The following MYO1C variants were observed in gnomAD, a reference collection of about 807,000 sequenced individuals.
The protein encoded by MYO1C is myosin IC.
A neutral mutation model predicts 150.8 loss-of-function variants in MYO1C; 104 were observed. The observed-to-expected ratio is 0.69, with a 90% CI of 0.59 to 0.81. The LOEUF is 0.81. Ranked by LOEUF, MYO1C falls within the 30% of genes least tolerant of loss-of-function variation. The pLI is 0.00. For synonymous variants in MYO1C, 663 were observed against 579.9 expected (o/e 1.14, Z -2.06); for missense variants, 1,504 against 1,435.0 (o/e 1.05, Z -0.78).
At chr17:1,474,192 C>T (rs1179357501) in intron 17 of MYO1C, among the ~76,000 whole-genome samples, 6 of 151,982 alleles carry the variant, frequency 3.9e-5, no homozygotes, top group South Asian at 2.1e-4. Context: ...TTTGGGAGGC[C>T]GAGGCAGGTG....
intron 1 of MYO1C, chr17:1,484,881 G>GCCCCCCCCCCCCC: frequency 1.0e-5 from 1 of 99,588 alleles, no homozygotes; most frequent in Non-Finnish European, 1.9e-5. Flanking sequence ...CTCCCACCCA[G>GCCCCCCCCCCCCC]ACCCACCCCC....
intron 13 of MYO1C, 109 bp downstream of exon 13, chr17:1,477,782 C>T: frequency 8.5e-7 from 1 of 1,170,418 alleles, no homozygotes; most frequent in Non-Finnish European, 1.3e-6. Flanking sequence ...CCTGTCTCTA[C>T]TCAGCCCCAA....
intron 7 of MYO1C, 72 bp downstream of exon 7, chr17:1,480,455 T>TAAA (rs200535390): frequency 6.1e-5 from 83 of 1,363,560 alleles, no homozygotes; most frequent in African/African-American, 2.8e-4. Context: ...TCTCAAAAAA[T>TAAA]AAAAAACAAA....
At position 1,474,635 on chromosome 17, in the gene MYO1C, A is replaced by C. The variant is rs2074366079; in HGVS notation, c.1772T>G (p.Leu591Arg). Residue 591 changes from leucine (L) to arginine (R), a missense_variant, in exon 17 of 32, where the codon CTC becomes CGC. Physicochemically the swap from Leu to Arg is moderately radical, Grantham distance 102. Coordinates refer to ENST00000648651, the MANE Select transcript of MYO1C (RefSeq NM_001080779.2). ...IMSQCFDRSE[L>R]SDKKRPETVA... ...CGTCTCTGGCCGCTTCTTGTCACTG[A>C]GCTCGCTCCGGTCAAAGCACTGGCT... 6.2e-7 allele frequency: 1 copy of C among 1,613,668 alleles called. No individual in the cohort carries two copies. The highest frequency in any genetic ancestry group is 8.5e-7 in the Non-Finnish European group (1 of 1,179,918).
At chr17:1,470,934 A>G in intron 21 of MYO1C, 137 bp downstream of exon 21, 2 of 1,061,044 alleles carry the variant, frequency 1.9e-6, no homozygotes, top group South Asian at 1.4e-5. Flanking sequence ...CTCTCTGGAG[A>G]AGGACTCCCT....
At position 1,467,323 on chromosome 17, in the gene MYO1C, G is replaced by T. The variant is rs1286279882; in HGVS notation, c.3084C>A (p.Gly1028=). The change falls in exon 31 of 32, where the codon GGC becomes GGA. Residue 1028 remains glycine, a synonymous_variant. Transcript: ENST00000648651. ...AGTCAATGGTGCCATCCCTGCCGGG[G>T]CCCCCTGCAAACGTGATGCTGGGGG... The part of the protein sequence containing the change: ...INQGSITFAG[G]PGRDGTIDFT... 6.2e-7 allele frequency: 1 copy of T among 1,613,096 alleles called. No homozygotes were observed. Among genetic ancestry groups the T allele is most frequent in the Admixed American group, 1.7e-5 (1 of 59,918 alleles).
chr17:1,485,370 GC>G (rs2074630795), intron 1 of MYO1C: 3 of 154,948 alleles, frequency 1.9e-5, no homozygotes, highest in African/African-American at 6.3e-5. Flanking sequence ...CCGGGGGCCT[GC>G]CCCTCCCAGG....
At chr17:1,471,378 C>G (rs540523436) in intron 19 of MYO1C, 42 bp from the exon 20 acceptor site, 1 of 1,564,482 alleles carries the variant, frequency 6.4e-7, no homozygotes, top group East Asian at 2.3e-5. Context: ...CAGTCAGCAG[C>G]CTGCCCTGGG....
rs777538204 is a variant in MYO1C, at chr17:1,477,965, G to C, written c.1408C>G (p.Pro470Ala). The change falls in exon 13 of 32, where the codon CCC becomes GCC. Residue 470 changes from proline to alanine, a missense_variant. Pro to Ala is a conservative substitution (Grantham distance 27). Coordinates refer to ENST00000648651, the MANE Select transcript of MYO1C (RefSeq NM_001080779.2). ...EYEAEGIAWE[P>A]VQYFNNKIIC... ...ATTTTGTTGTTGAAATACTGGACGG[G>C]CTCCCACTGAGGGGCAGAAGGGAAG... 8.1e-6 allele frequency: 13 copies of C among 1,614,124 alleles called. No individual in the cohort carries two copies. The highest frequency in any genetic ancestry group is 1.1e-5 in the Non-Finnish European group (13 of 1,179,968).
Position 1,475,027 on chromosome 17 carries a change from T to C in MYO1C, c.1580A>G (p.Lys527Arg). 1 of 1,551,708 alleles carries C rather than the reference T, an allele frequency of 6.4e-7. No individual in the cohort carries two copies. The highest frequency in any genetic ancestry group is 8.7e-7 in the Non-Finnish European group (1 of 1,147,210). Reference protein sequence around the residue: ...VKHHPHFLTHKLADQRTRKSL... With the variant: ...VKHHPHFLTHRLADQRTRKSL... ...TTTCCTGGTCCGCTGGTCAGCCAGCTTGTGCCTGGGGGTGACAGGGAGGAA... is the reference window on the plus strand; with the variant it reads ...TTTCCTGGTCCGCTGGTCAGCCAGCCTGTGCCTGGGGGTGACAGGGAGGAA... The change falls in exon 15 of 32, where the codon AAG becomes AGG. Residue 527 changes from lysine (K) to arginine (R), a missense_variant. Transcript: ENST00000648651.
chr17:1,488,071 T>A (rs1057510149), intron 1 of MYO1C, among the ~76,000 whole-genome samples: 2 of 151,836 alleles, frequency 1.3e-5, no homozygotes, highest in Non-Finnish European at 2.9e-5. Flanking sequence ...CCGCGAGGCG[T>A]GGGGGACTCG....
intron 19 of MYO1C, 44 bp downstream of exon 19, chr17:1,471,863 C>G: frequency 2.5e-6 from 4 of 1,589,682 alleles, no homozygotes; most frequent in Non-Finnish European, 3.5e-6. Flanking sequence ...GGGCTCCTAC[C>G]CTCCCGCTCC....
chr17:1,467,483 C>G lies in MYO1C; in HGVS notation c.3062G>C (p.Gly1021Ala). The change falls in exon 30 of 32, where the codon GGC (glycine) becomes GCC (alanine). Residue 1021 changes from glycine (G) to alanine (A), a missense_variant. Transcript: ENST00000648651. Reference protein sequence around the residue: ...NRVNSININQGSITFAGGPGR... With the variant: ...NRVNSININQASITFAGGPGR... ...CCGGGGGCCGCCCGCGCCTCACCTG[C>G]CCTGGTTGATGTTGATGCTGTTCAC... 1 of 1,613,182 alleles carries G rather than the reference C, an allele frequency of 6.2e-7. No individual in the cohort carries two copies. The highest frequency in any genetic ancestry group is 8.5e-7 in the Non-Finnish European group (1 of 1,179,924).
Position 1,482,488 on chromosome 17 carries a change from A to C in MYO1C, c.617T>G (p.Phe206Cys). The change falls in exon 5 of 32, where the codon TTT becomes TGT. Residue 206 changes from phenylalanine to cysteine, a missense_variant. Transcript: ENST00000648651. Reference sequence around the variant, plus strand: ...ACACATCCATGGTACCTTGAAGTCAAACTGCACATCCATGTACTTCCCGAA... The same window carrying C: ...ACACATCCATGGTACCTTGAAGTCACACTGCACATCCATGTACTTCCCGAA... ...SRFGKYMDVQ[F>C]DFKGAPVGGH... 6.2e-7 allele frequency: 1 copy of C among 1,613,920 alleles called. No homozygotes were observed. Among genetic ancestry groups the C allele is most frequent in the South Asian group, 1.1e-5 (1 of 91,072 alleles).
rs768409913 is a variant in MYO1C at position 1,467,979 on chromosome 17, C to G, written c.2896+9G>C. The G allele has an allele frequency of 5.0e-6, 8 of 1,612,834 alleles. No homozygotes were observed. In the African/African-American group the frequency reaches 6.7e-5, roughly 14 times the overall value. ...GGCCCTCCCCCTGCAGCCCTGGACC[C>G]TGGCTGACCGGTCAGGTTGGCGTAA... On this transcript the variant is annotated intron_variant, in intron 28 of 31. Coordinates refer to ENST00000648651, the MANE Select transcript of MYO1C (RefSeq NM_001080779.2).
intron 5 of MYO1C, among the ~76,000 whole-genome samples, chr17:1,481,594 G>A (rs1390443432): frequency 1.3e-5 from 2 of 151,624 alleles, no homozygotes; most frequent in African/African-American, 4.9e-5. Context: ...TCGAACTCCC[G>A]GGTTCAAGCA....
Position 1,474,602 on chromosome 17 carries a change from C to T in MYO1C, c.1797+8G>A, listed in dbSNP as rs745856043. 6.2e-7 allele frequency: 1 copy of T among 1,613,668 alleles called. No individual in the cohort carries two copies. Among genetic ancestry groups the T allele is most frequent in the South Asian group, 1.1e-5 (1 of 91,078 alleles). On this transcript the variant is annotated splice_region_variant and intron_variant, in intron 17 of 31. Coordinates refer to ENST00000648651, the MANE Select transcript of MYO1C (RefSeq NM_001080779.2). Reference sequence around the variant, plus strand: ...GCACCCCTGCGCCCGGTCCCGCCACCTCCTCACCGTCTCTGGCCGCTTCTT... The same window carrying T: ...GCACCCCTGCGCCCGGTCCCGCCACTTCCTCACCGTCTCTGGCCGCTTCTT...
chr17:1,489,766 G>A (rs1191173103), intron 1 of MYO1C, among the ~76,000 whole-genome samples: 5 of 151,786 alleles, frequency 3.3e-5, no homozygotes, highest in South Asian at 4.1e-4. Context: ...GCCCAGGAGC[G>A]GTGGCTCATG....
Position 1,485,269 on chromosome 17 carries a change from A to G in MYO1C, c.76-966T>C, listed in dbSNP as rs916695772. On this transcript the variant is annotated intron_variant, in intron 1 of 31. Coordinates refer to ENST00000648651, the MANE Select transcript of MYO1C (RefSeq NM_001080779.2). ...CAAAAAATGGACACCCAGAGTATCC[A>G]GGGTCAGAGAAGAACAAGGTGGTGG... 34 of 1,155,850 alleles carry G rather than the reference A, an allele frequency of 2.9e-5. No homozygotes were observed. In the South Asian group the frequency reaches 4.1e-4, roughly 14 times the overall value. The allele number at this position is 1,155,850 out of a possible 1,614,324, so 71.6% of individuals were successfully genotyped here. A position where few individuals can be genotyped will look rare whatever the true frequency, so the allele number is the denominator to read the frequency against.
Sources: allele counts gnomAD v4.1 joint callset (sites outside exome capture counted in the v4.1 genomes callset), GRCh38; gene constraint gnomAD v4.1.1; transcripts MANE v1.5; gene names NCBI Gene and HGNC (gene_info 2026-07-23, HGNC 2026-07-21).